RPS26: variants seen among roughly 807,000 people sequenced by gnomAD.
The protein encoded by RPS26 is small ribosomal subunit protein eS26.
Under a neutral mutation model 14.7 loss-of-function variants are expected in RPS26, and 1 was observed. The observed-to-expected ratio is 0.07, with a 90% confidence interval of 0.02 to 0.32. RPS26 has a LOEUF of 0.32. RPS26 is among the 10% of genes least tolerant of loss of function. The probability of loss-of-function intolerance (pLI) is 1.00; values close to 1 mark genes in which losing one functional copy is unlikely to be tolerated. For synonymous variants in RPS26, 59 were observed against 53.1 expected (o/e 1.11, Z -0.48); for missense variants, 63 against 157.7 (o/e 0.40, Z 3.22).
In RPS26 at chr12:56,042,081, T is replaced by G. The variant is rs1895890784; in HGVS notation, c.-86T>G. The G allele has an allele frequency of 2.1e-6, 3 of 1,395,380 alleles. No individual in the cohort carries two copies. The South Asian group carries it at 3.5e-5, about 16-fold the overall frequency. The allele number at this position is 1,395,380 out of a possible 1,614,324, so 86.4% of individuals were successfully genotyped here. On this transcript the variant is annotated 5_prime_UTR_variant, in exon 1 of 4. Coordinates refer to ENST00000646449, the MANE Select transcript of RPS26 (RefSeq NM_001029.5). ...GTTCTTGAAGCCCGTCTCCTAAGGATTCTCCCGGTGTCCGCGTAGGGATCT... is the reference window on the plus strand; with the variant it reads ...GTTCTTGAAGCCCGTCTCCTAAGGAGTCTCCCGGTGTCCGCGTAGGGATCT...
chr12:56,042,668 C>G, intron 2 of RPS26, 66 bp downstream of exon 2: 1 of 1,401,646 alleles, frequency 7.1e-7, no homozygotes, highest in Non-Finnish European at 1.0e-6. Flanking sequence ...CCCAACTTCG[C>G]CCTTTTGGAG....
Position 56,044,436 on chromosome 12 carries a change from C to T in RPS26, c.*282C>T, listed in dbSNP as rs919138916. 2.2e-5 allele frequency: 8 copies of T among 371,198 alleles called. No homozygotes were observed. The highest frequency in any genetic ancestry group is 6.2e-5 in the South Asian group (2 of 32,434). 23.0% of individuals were successfully genotyped at this position (371,198 alleles called of 1,614,324 possible). ...TCAGCTCACTGCAACCTCCGTCTCC[C>T]GGGTTCAAGTGATTCTCCTGCCTCA... On this transcript the variant is annotated 3_prime_UTR_variant, in exon 4 of 4. Coordinates refer to ENST00000646449, the MANE Select transcript of RPS26 (RefSeq NM_001029.5).
At chr12:56,042,761 T>G in intron 2 of RPS26, 159 bp downstream of exon 2, 2 of 713,870 alleles carry the variant, frequency 2.8e-6, no homozygotes, top group South Asian at 3.0e-5. Context: ...GTTTGCCGTT[T>G]TGATTCTTTT....
chr12:56,043,447 G>A lies in RPS26; in HGVS notation c.266G>A (p.Arg89His), dbSNP rs764673368. The stretch of plus-strand genomic sequence containing the variant: ...AGCAAAGTAGTCAGGAATCGATCTC[G>A]TGAAGCCCGCAAGGACCGAACACCC... ...IHSKVVRNRS[R>H]EARKDRTPPP... Residue 89 changes from arginine (R) to histidine (H), a missense_variant, in exon 3 of 4, where the codon CGT becomes CAT. Arg to His is a conservative substitution (Grantham distance 29, BLOSUM62 0). Transcript: ENST00000646449. 6.8e-6 allele frequency: 11 copies of A among 1,613,212 alleles called. No individual in the cohort carries two copies. In the East Asian group the frequency reaches 1.3e-4, roughly 20 times the overall value.
Position 56,041,981 on chromosome 12 carries a change from C to G in RPS26, c.-186C>G, listed in dbSNP as rs1895889037. On this transcript the variant is annotated 5_prime_UTR_variant, in exon 1 of 4. Transcript: ENST00000646449. ...ACTTTGTTCCATGGATAAATAAACACTAGGAACGCATTTCCACCCTAGATT... is the reference window on the plus strand; with the variant it reads ...ACTTTGTTCCATGGATAAATAAACAGTAGGAACGCATTTCCACCCTAGATT... 2 of 696,990 alleles carry G rather than the reference C, an allele frequency of 2.9e-6. No homozygotes were observed. The highest frequency in any genetic ancestry group is 4.1e-5 in the Admixed American group (2 of 48,204). 43.2% of individuals were successfully genotyped at this position (696,990 alleles called of 1,614,324 possible). A position where few individuals can be genotyped will look rare whatever the true frequency, so the allele number is the denominator to read the frequency against.
Position 56,044,345 on chromosome 12 carries a change from CTTTTT to C in RPS26, c.*207_*211del, listed in dbSNP as rs1191650736. On this transcript the variant is annotated 3_prime_UTR_variant, in exon 4 of 4. Coordinates refer to ENST00000646449, the MANE Select transcript of RPS26 (RefSeq NM_001029.5). ...CTTATTCATGTAATTTAATTTTTTT[CTTTTT>C]TTTTTTTTTTTTTTTGAGACGGAGT... The C allele has an allele frequency of 6.7e-4, 179 of 265,714 alleles. No homozygotes were observed. The highest frequency in any genetic ancestry group is 9.0e-4 in the East Asian group (14 of 15,544). The allele number at this position is 265,714 out of a possible 1,614,324, so 16.5% of individuals were successfully genotyped here. A position where few individuals can be genotyped will look rare whatever the true frequency, so the allele number is the denominator to read the frequency against.
At chr12:56,042,288 G>T in intron 1 of RPS26, 119 bp downstream of exon 1, 1 of 1,525,194 alleles carries the variant, frequency 6.6e-7, no homozygotes, top group Non-Finnish European at 9.1e-7. Flanking sequence ...TTGCTCTGGG[G>T]GTCGGCGGGA....
chr12:56,043,545 C>A (rs1179161606), intron 3 of RPS26, 52 bp downstream of exon 3: 1 of 1,600,390 alleles, frequency 6.2e-7, no homozygotes, highest in Admixed American at 1.7e-5. Context: ...GTTAAAATTT[C>A]ATCCTGGAGG....
intron 2 of RPS26, chr12:56,042,961 G>A (rs991394936): frequency 9.6e-6 from 4 of 416,244 alleles, no homozygotes; most frequent in African/African-American, 2.0e-5. Context: ...GAGAATGGAG[G>A]CCGTCTAGTT....
rs1285007168 is a variant in RPS26, at chr12:56,044,315, G to T, written c.*161G>T. 4.1e-5 allele frequency: 22 copies of T among 541,230 alleles called. No homozygotes were observed. Among genetic ancestry groups the T allele is most frequent in the Non-Finnish European group, 5.3e-5 (16 of 300,546 alleles). The allele number at this position is 541,230 out of a possible 1,614,324, so 33.5% of individuals were successfully genotyped here. On this transcript the variant is annotated 3_prime_UTR_variant, in exon 4 of 4. Coordinates refer to ENST00000646449, the MANE Select transcript of RPS26 (RefSeq NM_001029.5). ...TGACACACATTATTTTCATGGGGAA[G>T]AAAGCTTATTCATGTAATTTAATTT...
chr12:56,044,031 T>A (rs1238361980), intron 3 of RPS26, 88 bp from the exon 4 acceptor site: 1 of 1,100,484 alleles, frequency 9.1e-7, no homozygotes. Context: ...TACATCAGTT[T>A]GTGAGAGGAT....
In RPS26 at chr12:56,042,866, T is replaced by G; in HGVS notation, c.181+264T>G. On this transcript the variant is annotated intron_variant, in intron 2 of 3. Transcript: ENST00000646449. ...TTATGAGATTGCAAAAACTAGAAAC[T>G]TGGTAAATTTGACAATTCTTGTGCT... 6 of 555,124 alleles carry G rather than the reference T, an allele frequency of 1.1e-5. No homozygotes were observed. In the South Asian group the frequency reaches 1.2e-4, roughly 11 times the overall value. The allele number at this position is 555,124 out of a possible 1,614,324, so 34.4% of individuals were successfully genotyped here.
At chr12:56,042,368 GGACT>G in intron 1 of RPS26, 53 bp from the exon 2 acceptor site, 2 of 1,582,940 alleles carry the variant, frequency 1.3e-6, no homozygotes, top group Non-Finnish European at 1.7e-6. Flanking sequence ...GGCCGGAAAG[GGACT>G]GAGGCTGGGT....
rs761054093 is a variant in RPS26 at position 56,044,110 on chromosome 12, G to C, written c.313-9G>C. On this transcript the variant is annotated splice_polypyrimidine_tract_variant and intron_variant, in intron 3 of 3. Coordinates refer to ENST00000646449, the MANE Select transcript of RPS26 (RefSeq NM_001029.5). ...TTTTAATTTACTCTTTTGTTTCTTT[G>C]TCTTTCAGGGTGCTGCCCCACGTCC... is the stretch of plus-strand genomic sequence containing the variant. The C allele has an allele frequency of 1.9e-5, 30 of 1,613,102 alleles. No homozygotes were observed. The highest frequency in any genetic ancestry group is 2.7e-5 in the African/African-American group (2 of 74,828).
rs949211195 is a variant in RPS26 at position 56,041,937 on chromosome 12, G to A, written c.-230G>A. 3 of 618,110 alleles carry A rather than the reference G, an allele frequency of 4.9e-6. No individual in the cohort carries two copies. The highest frequency in any genetic ancestry group is 5.3e-5 in the Admixed American group (2 of 37,836). The allele number at this position is 618,110 out of a possible 1,614,324, so 38.3% of individuals were successfully genotyped here. On this transcript the variant is annotated 5_prime_UTR_variant, in exon 1 of 4. Transcript: ENST00000646449. ...AACCTCGATTTTCTTCCGCCATCCG[G>A]CTAAATAGTCCCATGTGCACTTTGT...
chr12:56,042,997 CA>C, intron 2 of RPS26: 1 of 401,860 alleles, frequency 2.5e-6, no homozygotes, highest in Non-Finnish European at 4.6e-6. Flanking sequence ...ATGTTTGGAG[CA>C]ATAAGAACGT....
At position 56,043,309 on chromosome 12, in the gene RPS26, A is replaced by G. The variant is rs1422062049; in HGVS notation, c.182-54A>G. The stretch of plus-strand genomic sequence containing the variant: ...GTAAGGTGCTCTTCATTCATGTAAC[A>G]AAAAAGCAAGGTAGGTATATAATAC... On this transcript the variant is annotated intron_variant, in intron 2 of 3. Transcript: ENST00000646449. 4 of 1,572,888 alleles carry G rather than the reference A, an allele frequency of 2.5e-6. No individual in the cohort carries two copies. In the African/African-American group the frequency reaches 4.1e-5, roughly 16 times the overall value.
Position 56,044,101 on chromosome 12 carries a change from T to G in RPS26, c.313-18T>G. 1 of 1,612,232 alleles carries G rather than the reference T, an allele frequency of 6.2e-7. No individual in the cohort carries two copies. ...ATCCATGGGTTTTAATTTACTCTTT[T>G]GTTTCTTTGTCTTTCAGGGTGCTGC... On this transcript the variant is annotated intron_variant, in intron 3 of 3. Coordinates refer to ENST00000646449, the MANE Select transcript of RPS26 (RefSeq NM_001029.5).
chr12:56,042,066 C>A lies in RPS26; in HGVS notation c.-101C>A, dbSNP rs868693078. On this transcript the variant is annotated 5_prime_UTR_variant, in exon 1 of 4. Transcript: ENST00000646449. ...GTAAAGTGAGTTGCCGTTCTTGAAG[C>A]CCGTCTCCTAAGGATTCTCCCGGTG... is the stretch of plus-strand genomic sequence containing the variant. The A allele has an allele frequency of 1.6e-6, 2 of 1,234,464 alleles. No homozygotes were observed. The highest frequency in any genetic ancestry group is 1.5e-5 in the African/African-American group (1 of 68,890). The allele number at this position is 1,234,464 out of a possible 1,614,324, so 76.5% of individuals were successfully genotyped here.
Sources: gnomAD v4.1 joint callset for allele counts on GRCh38, gnomAD v4.1.1 for gene constraint, MANE v1.5 for transcripts, NCBI Gene and HGNC (gene_info 2026-07-23, HGNC 2026-07-21) for gene names.